The following NPAS3 variants were observed in gnomAD, a reference collection of about 807,000 sequenced individuals.
NPAS3 encodes neuronal PAS domain protein 3.
Under a neutral mutation model 73.1 loss-of-function variants are expected in NPAS3, and 14 were observed. The observed-to-expected ratio is 0.19, with a 90% confidence interval of 0.13 to 0.30. NPAS3 has a LOEUF of 0.30. NPAS3 is among the 10% of genes least tolerant of loss of function. NPAS3 has a pLI of 1.00. For missense variants in NPAS3, 1,096 were observed against 1,250.0 expected, an observed-to-expected ratio of 0.88 and a Z score of 1.86; for synonymous variants, 620 against 541.5, an observed-to-expected ratio of 1.14 and a Z score of -2.01.
At chr14:33,734,471 G>A (rs540248373) in intron 6 of NPAS3, among the ~76,000 whole-genome samples, 1 of 152,300 alleles carries the variant, frequency 6.6e-6, no homozygotes, top group African/African-American at 2.4e-5. Context: ...AAAGGAAAGA[G>A]TGACTATCTT....
chr14:32,987,836 C>T (rs1375724946), intron 1 of NPAS3, among the ~76,000 whole-genome samples: 1 of 152,078 alleles, frequency 6.6e-6, no homozygotes, highest in Non-Finnish European at 1.5e-5. Context: ...ATTACCATGA[C>T]TTAATTTGGA....
At chr14:33,080,199 CGGGG>C (rs2041821216) in intron 2 of NPAS3, among the ~76,000 whole-genome samples, 1 of 152,028 alleles carries the variant, frequency 6.6e-6, no homozygotes, top group African/African-American at 2.4e-5. Context: ...TCTCTGCCTC[CGGGG>C]TTCACACCAT....
At chr14:33,312,623 T>G (rs940991266) in intron 3 of NPAS3, among the ~76,000 whole-genome samples, 1 of 152,094 alleles carries the variant, frequency 6.6e-6, no homozygotes, top group Non-Finnish European at 1.5e-5. Context: ...AGTATTATCT[T>G]TAATGCATAT....
intron 3 of NPAS3, among the ~76,000 whole-genome samples, chr14:33,334,787 G>A (rs2044141353): frequency 6.6e-6 from 1 of 152,124 alleles, no homozygotes; most frequent in African/African-American, 2.4e-5. Flanking sequence ...TGCTTGAGCA[G>A]CGTATACTTT....
chr14:33,526,831 G>A (rs1383097727), intron 4 of NPAS3, among the ~76,000 whole-genome samples: 1 of 152,064 alleles, frequency 6.6e-6, no homozygotes, highest in South Asian at 2.1e-4. Context: ...CAGGCAGTAG[G>A]AGGGTTGCCC....
intron 4 of NPAS3, among the ~76,000 whole-genome samples, chr14:33,505,495 C>T (rs1025131605): frequency 1.3e-5 from 2 of 152,016 alleles, no homozygotes. Flanking sequence ...AAAGGTCTTT[C>T]AGCAGAACTG....
chr14:33,460,698 C>CT (rs1172425015), intron 4 of NPAS3, among the ~76,000 whole-genome samples: 1 of 152,128 alleles, frequency 6.6e-6, no homozygotes, highest in African/African-American at 2.4e-5. Context: ...TTAGCAATTC[C>CT]TTTTACTGTT....
chr14:33,361,796 A>T (rs1003914947), intron 3 of NPAS3, among the ~76,000 whole-genome samples: 15 of 152,232 alleles, frequency 9.9e-5, no homozygotes, highest in African/African-American at 3.4e-4. Flanking sequence ...ATAGGAATTT[A>T]AAAATAAACC....
chr14:33,002,157 G>A (rs1171975353), intron 1 of NPAS3, among the ~76,000 whole-genome samples: 2 of 152,078 alleles, frequency 1.3e-5, no homozygotes, highest in East Asian at 1.9e-4. Flanking sequence ...ATCTAGCCTC[G>A]TTCTGCTATA....
At chr14:33,083,933 T>C (rs1172392954) in intron 2 of NPAS3, among the ~76,000 whole-genome samples, 7 of 152,196 alleles carry the variant, frequency 4.6e-5, no homozygotes, top group African/African-American at 1.7e-4. Context: ...GTTAATACTA[T>C]CATTTCCTTG....
chr14:33,143,181 C>T (rs968575883), intron 2 of NPAS3, among the ~76,000 whole-genome samples: 1 of 151,482 alleles, frequency 6.6e-6, no homozygotes, highest in Non-Finnish European at 1.5e-5. Flanking sequence ...TTGCCACTTA[C>T]AGTTTATAAG....
At chr14:33,650,167 G>A (rs2058949741) in intron 5 of NPAS3, among the ~76,000 whole-genome samples, 1 of 152,176 alleles carries the variant, frequency 6.6e-6, no homozygotes, top group Admixed American at 6.5e-5. Context: ...ACTCTATAAG[G>A]AAAGCAAAGA....
At position 33,414,315 on chromosome 14, in the gene NPAS3, A is replaced by G. The variant is rs548358989; in HGVS notation, c.468+47047A>G. 9.9e-5 allele frequency among the ~76,000 whole-genome samples: 15 copies of G among 152,276 alleles called. No homozygotes were observed. The East Asian group carries it at 2.3e-3, about 24-fold the overall frequency. On this transcript the variant is annotated intron_variant, in intron 4 of 11. Coordinates refer to ENST00000356141, the Ensembl canonical transcript of NPAS3. ...AGTTCAGTTGGTGGGGAAAAAAAGT[A>G]GAAATCTTTGTCAGTGTCTTATTTT...
intron 3 of NPAS3, among the ~76,000 whole-genome samples, chr14:33,276,024 C>T (rs1263508457): frequency 6.6e-6 from 1 of 152,036 alleles, no homozygotes; most frequent in African/African-American, 2.4e-5. Flanking sequence ...CTGGGGTACT[C>T]TATATTGATA....
intron 2 of NPAS3, among the ~76,000 whole-genome samples, chr14:33,091,665 C>CA (rs1177903013): frequency 1.3e-5 from 2 of 151,784 alleles, no homozygotes; most frequent in African/African-American, 4.8e-5. Flanking sequence ...GGAGACACAA[C>CA]AAAAAAAGAG....
chr14:33,285,485 G>A (rs2041837660), intron 3 of NPAS3, among the ~76,000 whole-genome samples: 1 of 152,146 alleles, frequency 6.6e-6, no homozygotes, highest in Non-Finnish European at 1.5e-5. Flanking sequence ...AATGGCAGAT[G>A]GGGCCAACAG....
intron 2 of NPAS3, among the ~76,000 whole-genome samples, chr14:33,131,361 C>T (rs1052049973): frequency 1.3e-5 from 2 of 152,008 alleles, no homozygotes; most frequent in Non-Finnish European, 2.9e-5. Flanking sequence ...TTGATATTCT[C>T]CAAGTTCTCC....
intron 2 of NPAS3, 152 bp downstream of exon 2, chr14:33,056,146 C>A: frequency 6.5e-6 from 1 of 153,514 alleles, no homozygotes; most frequent in African/African-American, 2.4e-5. Context: ...ACAAACCAAA[C>A]CAAATAAAAA....
At chr14:33,172,527 G>A (rs1470700138) in intron 2 of NPAS3, among the ~76,000 whole-genome samples, 3 of 152,132 alleles carry the variant, frequency 2.0e-5, no homozygotes, top group African/African-American at 7.2e-5. Context: ...CTTGAGCTTA[G>A]GAATTCGAGG....
Sources: allele counts gnomAD v4.1 joint callset (sites outside exome capture counted in the v4.1 genomes callset), GRCh38; gene constraint gnomAD v4.1.1; transcripts MANE v1.5; gene names NCBI Gene and HGNC (gene_info 2026-07-23, HGNC 2026-07-21).